RERE: variants seen among roughly 807,000 people sequenced by gnomAD.
RERE encodes the protein arginine-glutamic acid dipeptide repeats protein.
A neutral mutation model predicts 146.1 loss-of-function variants in RERE; 40 were observed. That is an observed-to-expected ratio of 0.27 (90% CI 0.21 to 0.36). The LOEUF is 0.36. RERE is among the 10% of genes least tolerant of loss of function. The probability of loss-of-function intolerance (pLI) is 1.00; values close to 1 mark genes in which losing one functional copy is unlikely to be tolerated. For missense variants in RERE, 1,933 were observed against 2,138.7 expected, an observed-to-expected ratio of 0.90 and a Z score of 1.90; for synonymous variants, 1,003 against 866.0, an observed-to-expected ratio of 1.16 and a Z score of -2.78.
At chr1:8,371,716 C>G (rs934424292) in intron 12 of RERE, among the ~76,000 whole-genome samples, 2 of 152,230 alleles carry the variant, frequency 1.3e-5, no homozygotes, top group African/African-American at 4.8e-5. Context: ...TCTTTAAGAG[C>G]TCCCTCCGCC....
At chr1:8,531,620 G>A (rs987827406) in intron 7 of RERE, among the ~76,000 whole-genome samples, 1 of 152,040 alleles carries the variant, frequency 6.6e-6, no homozygotes, top group Non-Finnish European at 1.5e-5. Flanking sequence ...TTGAAATCCT[G>A]CTATTGTTTC....
intron 4 of RERE, among the ~76,000 whole-genome samples, chr1:8,580,414 A>G (rs959429559): frequency 6.6e-6 from 1 of 152,236 alleles, no homozygotes; most frequent in African/African-American, 2.4e-5. Context: ...TTCAGTTCTA[A>G]TGTACTGCAT....
At chr1:8,405,825 G>A (rs766128320) in intron 12 of RERE, among the ~76,000 whole-genome samples, 5 of 152,060 alleles carry the variant, frequency 3.3e-5, no homozygotes, top group Non-Finnish European at 7.4e-5. Flanking sequence ...TTTTAGTAGA[G>A]AGAGTTTCAC....
chr1:8,562,125 T>C (rs569349939), intron 4 of RERE, among the ~76,000 whole-genome samples: 1 of 152,314 alleles, frequency 6.6e-6, no homozygotes, highest in African/African-American at 2.4e-5. Context: ...ACTATCATTG[T>C]TTTACAGAAA....
At chr1:8,505,845 T>A (rs1415425969) in intron 8 of RERE, among the ~76,000 whole-genome samples, 1 of 152,202 alleles carries the variant, frequency 6.6e-6, no homozygotes, top group South Asian at 2.1e-4. Context: ...AAAAGGTAAA[T>A]GTTGCCAATT....
Position 8,486,803 on chromosome 1 carries a change from T to C in RERE, c.1104+8260A>G. 2.7e-5 allele frequency among the ~76,000 whole-genome samples: 4 copies of C among 149,292 alleles called. No homozygotes were observed. In the Middle Eastern group the frequency reaches 0.01, roughly 389 times the overall value. On this transcript the variant is annotated intron_variant, in intron 10 of 22. Transcript: ENST00000400908. ...GAAAGAAAAGAAAAAAAGCACTTTC[T>C]ATATAAAAAAATTTAGATGGCTAAA...
chr1:8,786,993 A>G (rs1421971888), intron 1 of RERE: 4 of 603,294 alleles, frequency 6.6e-6, no homozygotes, highest in East Asian at 2.7e-5. Flanking sequence ...AGTGATCTTT[A>G]TAAGACAGAG....
intron 7 of RERE, among the ~76,000 whole-genome samples, chr1:8,529,235 TAAAC>T (rs1278316881): frequency 6.6e-6 from 1 of 150,904 alleles, no homozygotes; most frequent in Non-Finnish European, 1.5e-5. Context: ...TTAAATATAT[TAAAC>T]AAACAGAAAA....
rs79453255 is a variant in RERE at position 8,493,330 on chromosome 1, C to G, written c.1104+1733G>C. On this transcript the variant is annotated intron_variant, in intron 10 of 22. Coordinates refer to ENST00000400908, the MANE Select transcript of RERE (RefSeq NM_001042681.2). ...AGATTTTGTATTTAAAACTAACCAA[C>G]AAAAAAATCCCCACTAACTATCCTA... is the stretch of plus-strand genomic sequence containing the variant. Among the ~76,000 whole-genome samples the G allele has an allele frequency of 1.6e-3, 243 of 152,186 alleles. 1 individual carries two copies. Among genetic ancestry groups the G allele is most frequent in the African/African-American group, 5.6e-3 (232 of 41,526 alleles).
intron 3 of RERE, among the ~76,000 whole-genome samples, chr1:8,614,922 CT>C (rs147322639): frequency 1.2e-3 from 182 of 152,262 alleles, no homozygotes; most frequent in African/African-American, 3.2e-3. Context: ...AATCCAGGTC[CT>C]ATCATAAAGC....
At chr1:8,686,317 G>C (rs1639085422) in intron 1 of RERE, among the ~76,000 whole-genome samples, 1 of 152,090 alleles carries the variant, frequency 6.6e-6, no homozygotes. Context: ...ATGCATCCTA[G>C]GGAATTACGT....
rs59752248 is a variant in RERE at position 8,401,038 on chromosome 1, CATATATATATATATATAT to C, written c.1284+21671_1284+21688del. ...GTCTCAAAAAAAAAAAAAAAAAAAC[CATATATATATATATATAT>C]ATATATATATATATATGTCACTTAA... On this transcript the variant is annotated intron_variant, in intron 12 of 22. Coordinates refer to ENST00000400908, the MANE Select transcript of RERE (RefSeq NM_001042681.2). Among the ~76,000 whole-genome samples the C allele has an allele frequency of 7.7e-3, 442 of 57,488 alleles. 16 individuals are homozygous for C. Among genetic ancestry groups the C allele is most frequent in the Non-Finnish European group, 0.013 (363 of 28,530 alleles). 37.7% of individuals were successfully genotyped at this position (57,488 alleles called of 152,430 possible).
intron 1 of RERE, among the ~76,000 whole-genome samples, chr1:8,663,567 T>C (rs1323426487): frequency 6.6e-6 from 1 of 152,146 alleles, no homozygotes; most frequent in Non-Finnish European, 1.5e-5. Flanking sequence ...TACAAAACAT[T>C]GTTTGCCTTA....
In RERE at chr1:8,412,696, C is replaced by T. The variant is rs188942833; in HGVS notation, c.1284+10031G>A. ...AATAATCTAGAACACAGAACCGCTG[C>T]GCAAACAGGAGAGTTGATTTACTGC... On this transcript the variant is annotated intron_variant, in intron 12 of 22. Coordinates refer to ENST00000400908, the MANE Select transcript of RERE (RefSeq NM_001042681.2). Among the ~76,000 whole-genome samples, 17 of 152,318 alleles carry T rather than the reference C, an allele frequency of 1.1e-4. No homozygotes were observed. In the East Asian group the frequency reaches 2.7e-3, roughly 24 times the overall value.
At chr1:8,529,041 C>T (rs1645605061) in intron 7 of RERE, among the ~76,000 whole-genome samples, 1 of 151,872 alleles carries the variant, frequency 6.6e-6, no homozygotes, top group Non-Finnish European at 1.5e-5. Flanking sequence ...TAGAGATGCT[C>T]AACCTATAAT....
intron 12 of RERE, among the ~76,000 whole-genome samples, chr1:8,404,955 T>C (rs1372097607): frequency 3.9e-5 from 6 of 152,216 alleles, no homozygotes. Flanking sequence ...CCCTGGTCCC[T>C]GTGCCACTTC....
intron 10 of RERE, among the ~76,000 whole-genome samples, chr1:8,480,291 C>T (rs941265171): frequency 1.3e-5 from 2 of 151,400 alleles, no homozygotes; most frequent in African/African-American, 4.9e-5. Context: ...GGGTGTGCAC[C>T]ACCACACCCG....
chr1:8,650,647 C>T (rs1286175184), intron 2 of RERE, among the ~76,000 whole-genome samples: 1 of 151,982 alleles, frequency 6.6e-6, no homozygotes, highest in Admixed American at 6.6e-5. Flanking sequence ...GCCTGTAATC[C>T]CAGCACTTTA....
chr1:8,392,783 G>A (rs1174091709), intron 12 of RERE, among the ~76,000 whole-genome samples: 1 of 152,146 alleles, frequency 6.6e-6, no homozygotes, highest in Non-Finnish European at 1.5e-5. Context: ...CATCCTGTCT[G>A]GAAGATTACC....
Sources: gnomAD v4.1 joint callset for allele counts (sites outside exome capture counted in the v4.1 genomes callset) on GRCh38, gnomAD v4.1.1 for gene constraint, MANE v1.5 for transcripts, NCBI Gene and HGNC (gene_info 2026-07-23, HGNC 2026-07-21) for gene names.